The following CNTN4 variants were observed in gnomAD, a reference collection of about 807,000 sequenced individuals.
CNTN4 encodes contactin 4.
A neutral mutation model predicts 122.5 loss-of-function variants in CNTN4; 77 were observed. The ratio of observed to expected loss-of-function variants is 0.63; its 90% CI spans 0.52 to 0.76. The LOEUF is 0.76. Among genes scored for constraint, CNTN4 ranks in the 30% least tolerant of loss-of-function variants. The pLI is 0.00. For synonymous variants in CNTN4, 512 were observed against 447.0 expected (o/e 1.15, Z -1.83); for missense variants, 1,256 against 1,259.1 (o/e 1.00, Z 0.04).
At chr3:2,350,770 C>G (rs975414693) in intron 3 of CNTN4, among the ~76,000 whole-genome samples, 1 of 152,144 alleles carries the variant, frequency 6.6e-6, no homozygotes, top group Non-Finnish European at 1.5e-5. Context: ...AAATGACTCA[C>G]TAACCAACGA....
At chr3:2,897,837 G>T (rs1400491355) in intron 10 of CNTN4, among the ~76,000 whole-genome samples, 1 of 152,166 alleles carries the variant, frequency 6.6e-6, no homozygotes, top group Admixed American at 6.5e-5. Flanking sequence ...TAGATCTTCA[G>T]ATTAGGGATG....
chr3:2,754,766 A>C (rs6766865), intron 6 of CNTN4, among the ~76,000 whole-genome samples: 2 of 151,890 alleles, frequency 1.3e-5, no homozygotes, highest in South Asian at 4.2e-4. Flanking sequence ...AAAGAAAAGA[A>C]AAAATTTTAA....
chr3:2,477,722 T>C (rs2075871574), intron 3 of CNTN4, among the ~76,000 whole-genome samples: 1 of 152,198 alleles, frequency 6.6e-6, no homozygotes, highest in South Asian at 2.1e-4. Context: ...CACAGATGAT[T>C]TTACCAATAC....
chr3:2,840,812 G>C (rs1293645455), intron 7 of CNTN4, among the ~76,000 whole-genome samples: 1 of 152,076 alleles, frequency 6.6e-6, no homozygotes, highest in Non-Finnish European at 1.5e-5. Context: ...CTGGACCAGA[G>C]AACAGAAGAC....
intron 4 of CNTN4, among the ~76,000 whole-genome samples, chr3:2,710,179 T>C (rs35275168): frequency 6.6e-6 from 1 of 152,156 alleles, no homozygotes; most frequent in Non-Finnish European, 1.5e-5. Flanking sequence ...ATTTTGGTTT[T>C]TAGTTGTGCA....
chr3:2,221,316 A>G (rs965050655), intron 2 of CNTN4, among the ~76,000 whole-genome samples: 6 of 152,094 alleles, frequency 3.9e-5, no homozygotes, highest in African/African-American at 1.4e-4. Flanking sequence ...TAAATTTTTC[A>G]TTCACATTAA....
chr3:2,707,531 A>C (rs2086814564), intron 4 of CNTN4, among the ~76,000 whole-genome samples: 1 of 152,192 alleles, frequency 6.6e-6, no homozygotes, highest in Non-Finnish European at 1.5e-5. Context: ...AAAGTCCCCT[A>C]ATATTGCTAA....
intron 8 of CNTN4, among the ~76,000 whole-genome samples, chr3:2,878,557 G>C (rs1027240608): frequency 3.2e-3 from 228 of 72,072 alleles, no homozygotes; most frequent in African/African-American, 0.014. Flanking sequence ...TGCTCTCTGT[G>C]TGTGTGTGTG....
rs1156642408 is a variant in CNTN4, at chr3:2,279,745, T to C, written c.-144-59433T>C. 6.6e-5 allele frequency among the ~76,000 whole-genome samples: 10 copies of C among 151,910 alleles called. No individual in the cohort carries two copies. In the East Asian group the frequency reaches 1.9e-3, roughly 29 times the overall value. On this transcript the variant is annotated intron_variant, in intron 2 of 24. Transcript: ENST00000418658. ...TATCTTTAGACAGAATTTTGGTATATATATATGATATATATGTGATTATAT... is the reference window on the plus strand; with the variant it reads ...TATCTTTAGACAGAATTTTGGTATACATATATGATATATATGTGATTATAT...
At chr3:2,759,214 G>C (rs2090474873) in intron 6 of CNTN4, among the ~76,000 whole-genome samples, 1 of 151,964 alleles carries the variant, frequency 6.6e-6, no homozygotes, top group Non-Finnish European at 1.5e-5. Context: ...GGATTGCAAT[G>C]GTGCGATCTC....
In CNTN4 at chr3:2,709,533, C is replaced by G. The variant is rs2086982485; in HGVS notation, c.56-26682C>G. Among the ~76,000 whole-genome samples, 1 of 152,146 alleles carries G rather than the reference C, an allele frequency of 6.6e-6. No individual in the cohort carries two copies. ...GTTTGCCTCAGGCTAAAGATTTATG[C>G]CAGACTTCTAGACCAGTCTCCTTTC... On this transcript the variant is annotated intron_variant, in intron 4 of 24. Transcript: ENST00000418658. This position sits in a 1 kb window ranked among gnomAD's most constrained non-coding sequence, Gnocchi z 5.0.
At chr3:2,846,425 T>C (rs1182512544) in intron 7 of CNTN4, among the ~76,000 whole-genome samples, 1 of 152,202 alleles carries the variant, frequency 6.6e-6, no homozygotes, top group African/African-American at 2.4e-5. Flanking sequence ...ATTGTAAGTT[T>C]CCTGAGGCAT....
intron 6 of CNTN4, among the ~76,000 whole-genome samples, chr3:2,804,113 A>T (rs2092411177): frequency 6.6e-6 from 1 of 150,668 alleles, no homozygotes; most frequent in African/African-American, 2.5e-5. Flanking sequence ...GATAAAAACC[A>T]TAAAGAAAAA....
intron 2 of CNTN4, among the ~76,000 whole-genome samples, chr3:2,274,427 T>C (rs2149839523): frequency 6.6e-6 from 1 of 152,180 alleles, no homozygotes; most frequent in East Asian, 1.9e-4. Flanking sequence ...GGAATCATTC[T>C]AGACATTATT....
At chr3:2,978,372 C>T (rs2125166554) in intron 13 of CNTN4, among the ~76,000 whole-genome samples, 1 of 152,276 alleles carries the variant, frequency 6.6e-6, no homozygotes, top group African/African-American at 2.4e-5. Context: ...TTCACAGTCT[C>T]AAAGGCCTGC....
At chr3:2,122,450 C>G (rs1306609620) in intron 2 of CNTN4, among the ~76,000 whole-genome samples, 1 of 152,116 alleles carries the variant, frequency 6.6e-6, no homozygotes, top group African/African-American at 2.4e-5. Context: ...CTACATTAAT[C>G]TATATGTAGC....
At chr3:2,150,824 A>G (rs1310195232) in intron 2 of CNTN4, among the ~76,000 whole-genome samples, 1 of 152,180 alleles carries the variant, frequency 6.6e-6, no homozygotes, top group African/African-American at 2.4e-5. Flanking sequence ...CCCTCTGTTT[A>G]ATTTCTTAAA....
rs368531646 is a variant in CNTN4 at position 2,853,191 on chromosome 3, A to G, written c.455-13561A>G. ...TTTATCACAGGGGACGGAAAAAAAA[A>G]AAGAACAGTGTCCACTAGGGAGTTT... On this transcript the variant is annotated intron_variant, in intron 7 of 24. Coordinates refer to ENST00000418658, the MANE Select transcript of CNTN4 (RefSeq NM_175607.3). Among the ~76,000 whole-genome samples, 14 of 151,564 alleles carry G rather than the reference A, an allele frequency of 9.2e-5. 2 individuals carry two copies. The highest frequency in any genetic ancestry group is 3.1e-4 in the African/African-American group (13 of 41,400).
chr3:2,264,290 C>CT (rs1184176271), intron 2 of CNTN4, among the ~76,000 whole-genome samples: 1 of 151,924 alleles, frequency 6.6e-6, no homozygotes. Context: ...TATTTTTTGT[C>CT]TTTTTGATAA....
Sources: allele counts gnomAD v4.1 joint callset (sites outside exome capture counted in the v4.1 genomes callset), GRCh38; gene constraint gnomAD v4.1.1; non-coding constraint Gnocchi (gnomAD v3.1); transcripts MANE v1.5; gene names NCBI Gene and HGNC (gene_info 2026-07-23, HGNC 2026-07-21).